The following KCNH7 variants were observed in gnomAD, a reference collection of about 807,000 sequenced individuals.
KCNH7 encodes potassium voltage-gated channel subfamily H member 7.
KCNH7 carries 49 observed loss-of-function variants against 120.8 expected under a neutral mutation model. The observed-to-expected ratio is 0.41, with a 90% CI of 0.32 to 0.51. The LOEUF (loss-of-function observed/expected upper bound fraction) is 0.51. KCNH7 is among the 20% of genes least tolerant of loss of function. The pLI is 0.38. For missense variants in KCNH7, 1,097 were observed against 1,446.6 expected (o/e 0.76, Z 3.92); for synonymous variants, 547 against 516.1 (o/e 1.06, Z -0.81).
At chr2:162,595,738 A>C (rs1012187409) in intron 2 of KCNH7, among the ~76,000 whole-genome samples, 2 of 152,060 alleles carry the variant, frequency 1.3e-5, no homozygotes, top group African/African-American at 4.8e-5. Flanking sequence ...AAGAAAAAGA[A>C]ATACAAGGCA....
chr2:162,374,428 C>G (rs1409895995), intron 14 of KCNH7, among the ~76,000 whole-genome samples: 1 of 152,148 alleles, frequency 6.6e-6, no homozygotes, highest in East Asian at 1.9e-4. Flanking sequence ...AGATTCCCCT[C>G]CTTTGCATGT....
chr2:162,772,945 GCTAAC>G (rs1358256597), intron 2 of KCNH7, among the ~76,000 whole-genome samples: 1 of 152,086 alleles, frequency 6.6e-6, no homozygotes, highest in African/African-American at 2.4e-5. Flanking sequence ...CCTACACATG[GCTAAC>G]CTAATCGCTC....
At position 162,622,368 on chromosome 2, in the gene KCNH7, C is replaced by T. The variant is rs565315673; in HGVS notation, c.308-85288G>A. ...CCTGATCACAATGGGATGTACAGAA[C>T]AGAATGGTTTCTTTGGGTCTAACAT... On this transcript the variant is annotated intron_variant, in intron 2 of 15. Transcript: ENST00000332142. 1.5e-3 allele frequency among the ~76,000 whole-genome samples: 235 copies of T among 152,292 alleles called. 1 individual carries two copies. The highest frequency in any genetic ancestry group is 5.0e-3 in the African/African-American group (207 of 41,562).
At chr2:162,382,715 G>A (rs1686455750) in intron 13 of KCNH7, among the ~76,000 whole-genome samples, 2 of 151,956 alleles carry the variant, frequency 1.3e-5, no homozygotes, top group Non-Finnish European at 2.9e-5. Flanking sequence ...TGGGGGTTTA[G>A]TAGTTTGAAC....
chr2:162,766,945 T>A (rs191155859), intron 2 of KCNH7, among the ~76,000 whole-genome samples: 109 of 150,432 alleles, frequency 7.2e-4, no homozygotes, highest in African/African-American at 2.1e-3. Flanking sequence ...AAGAGTAGAA[T>A]GCTCTGTACA....
chr2:162,559,936 C>T (rs1013481633), intron 2 of KCNH7, among the ~76,000 whole-genome samples: 3 of 152,116 alleles, frequency 2.0e-5, no homozygotes, highest in Non-Finnish European at 2.9e-5. Flanking sequence ...GGTAACAAAA[C>T]GGGGTAGAAC....
intron 2 of KCNH7, among the ~76,000 whole-genome samples, chr2:162,676,560 A>G (rs909714221): frequency 1.3e-5 from 2 of 151,580 alleles, no homozygotes; most frequent in African/African-American, 4.8e-5. Context: ...GAAAGAACCA[A>G]TTGAACCTTC....
intron 2 of KCNH7, among the ~76,000 whole-genome samples, chr2:162,831,339 G>T (rs1029664892): frequency 1.3e-5 from 2 of 152,088 alleles, no homozygotes; most frequent in Non-Finnish European, 2.9e-5. Context: ...ATGGATCGGG[G>T]GAGAGAAACT....
At chr2:162,669,819 G>T (rs545812991) in intron 2 of KCNH7, among the ~76,000 whole-genome samples, 1 of 152,156 alleles carries the variant, frequency 6.6e-6, no homozygotes, top group Non-Finnish European at 1.5e-5. Context: ...AAGAAAGAAG[G>T]CCGGGAGCGG....
chr2:162,612,288 T>C (rs188240150), intron 2 of KCNH7, among the ~76,000 whole-genome samples: 2 of 152,250 alleles, frequency 1.3e-5, no homozygotes, highest in Admixed American at 6.5e-5. Flanking sequence ...TGTAAGTTTA[T>C]ATCAGCAGGT....
At chr2:162,477,627 T>A (rs1392781263) in intron 6 of KCNH7, among the ~76,000 whole-genome samples, 1 of 152,214 alleles carries the variant, frequency 6.6e-6, no homozygotes, top group Non-Finnish European at 1.5e-5. Flanking sequence ...TATTATAAAT[T>A]CTACAAAAAT....
At chr2:162,820,653 CT>C (rs1206381294) in intron 2 of KCNH7, among the ~76,000 whole-genome samples, 1 of 152,080 alleles carries the variant, frequency 6.6e-6, no homozygotes, top group Non-Finnish European at 1.5e-5. Context: ...TGGATTGTAA[CT>C]CTGCAAAAGC....
At chr2:162,671,748 G>T (rs571499131) in intron 2 of KCNH7, among the ~76,000 whole-genome samples, 1 of 151,820 alleles carries the variant, frequency 6.6e-6, no homozygotes, top group South Asian at 2.1e-4. Flanking sequence ...AGAAAAAAAA[G>T]AAATAAATAT....
At chr2:162,756,376 T>A (rs2105443098) in intron 2 of KCNH7, among the ~76,000 whole-genome samples, 1 of 152,310 alleles carries the variant, frequency 6.6e-6, no homozygotes, top group Non-Finnish European at 1.5e-5. Context: ...TATATTAGAC[T>A]CTTCATTAAT....
At chr2:162,632,447 A>G (rs1371351487) in intron 2 of KCNH7, among the ~76,000 whole-genome samples, 1 of 151,944 alleles carries the variant, frequency 6.6e-6, no homozygotes, top group African/African-American at 2.4e-5. Flanking sequence ...CCCTTGAAAT[A>G]ATCTATAAAC....
At chr2:162,569,290 C>T (rs1346056226) in intron 2 of KCNH7, among the ~76,000 whole-genome samples, 6 of 151,906 alleles carry the variant, frequency 3.9e-5, no homozygotes, top group African/African-American at 9.7e-5. Context: ...TTATCCATTT[C>T]TTCTAGATTT....
intron 6 of KCNH7, among the ~76,000 whole-genome samples, chr2:162,477,415 T>C (rs1321559635): frequency 1.3e-5 from 2 of 152,208 alleles, no homozygotes; most frequent in Non-Finnish European, 2.9e-5. Context: ...TTGGGCTCTC[T>C]TTCCAGTTCT....
chr2:162,676,920 GA>G (rs557934294), intron 2 of KCNH7, among the ~76,000 whole-genome samples: 1 of 151,098 alleles, frequency 6.6e-6, no homozygotes, highest in African/African-American at 2.4e-5. Context: ...TATCATTTAC[GA>G]AAAAAATTTG....
chr2:162,672,915 C>A (rs1429984757), intron 2 of KCNH7, among the ~76,000 whole-genome samples: 1 of 151,918 alleles, frequency 6.6e-6, no homozygotes, highest in East Asian at 1.9e-4. Flanking sequence ...AATAACAAGA[C>A]AATAAACCAA....
Sources: gnomAD v4.1 joint callset for allele counts (sites outside exome capture counted in the v4.1 genomes callset) on GRCh38, gnomAD v4.1.1 for gene constraint, MANE v1.5 for transcripts, NCBI Gene and HGNC (gene_info 2026-07-23, HGNC 2026-07-21) for gene names.